Variants in HPSE2 observed in about 807,000 individuals in gnomAD.
HPSE2 encodes heparanase 2 (inactive), also known as inactive heparanase-2.
HPSE2 carries 38 observed loss-of-function variants against 60.5 expected under a neutral mutation model. That is an observed-to-expected ratio of 0.63 (90% CI 0.48 to 0.82). The LOEUF (loss-of-function observed/expected upper bound fraction) is 0.82. HPSE2 is among the 40% of genes least tolerant of loss of function. The pLI is 0.00. For missense variants in HPSE2, 713 were observed against 740.4 expected (o/e 0.96, Z 0.43); for synonymous variants, 295 against 293.2 (o/e 1.01, Z -0.06).
chr10:98,950,336 T>C (rs1955318372), intron 3 of HPSE2, among the ~76,000 whole-genome samples: 1 of 152,122 alleles, frequency 6.6e-6, no homozygotes, highest in South Asian at 2.1e-4. Context: ...AAGGCATAAA[T>C]ACCCAGGAGT....
intron 3 of HPSE2, among the ~76,000 whole-genome samples, chr10:98,774,063 C>CA (rs1252225821): frequency 2.0e-5 from 3 of 151,296 alleles, no homozygotes; most frequent in South Asian, 4.2e-4. Flanking sequence ...CATCCTGTAG[C>CA]AAAAAAAGGA....
chr10:99,291,540 C>T, the HPSE2 span, among the ~76,000 whole-genome samples: 10 of 149,668 alleles, frequency 6.7e-5, no homozygotes, highest in African/African-American at 1.2e-4. Flanking sequence ...GCCGAGATCG[C>T]GCCACTGCAC....
intron 9 of HPSE2, among the ~76,000 whole-genome samples, chr10:98,588,410 T>C (rs1944996626): frequency 6.6e-6 from 1 of 151,986 alleles, no homozygotes; most frequent in African/African-American, 2.4e-5. Context: ...GCGGGGAGAC[T>C]TTACCAACCT....
chr10:98,799,527 A>T (rs1356550551), intron 3 of HPSE2, among the ~76,000 whole-genome samples: 2 of 152,236 alleles, frequency 1.3e-5, no homozygotes, highest in Non-Finnish European at 2.9e-5. Flanking sequence ...AGGATAGACT[A>T]TATGTTAGGT....
At chr10:98,495,390 T>C (rs1941799767) in intron 9 of HPSE2, among the ~76,000 whole-genome samples, 1 of 152,162 alleles carries the variant, frequency 6.6e-6, no homozygotes, top group Non-Finnish European at 1.5e-5. Context: ...TAGAATTCAT[T>C]GAGCTTCTTG....
intron 3 of HPSE2, among the ~76,000 whole-genome samples, chr10:98,932,180 G>T (rs1471312684): frequency 7.0e-6 from 1 of 143,840 alleles, no homozygotes; most frequent in Non-Finnish European, 1.5e-5. Flanking sequence ...TAACATGAAG[G>T]TATGTTGAAT....
intron 9 of HPSE2, among the ~76,000 whole-genome samples, chr10:98,603,992 C>T (rs1945506727): frequency 6.6e-6 from 1 of 152,118 alleles, no homozygotes; most frequent in Non-Finnish European, 1.5e-5. Context: ...AAGTCTGAGA[C>T]CTAATCATAG....
chr10:99,098,644 T>C (rs2135628428), intron 3 of HPSE2, among the ~76,000 whole-genome samples: 1 of 152,318 alleles, frequency 6.6e-6, no homozygotes, highest in East Asian at 1.9e-4. Flanking sequence ...ACGTTGGTTC[T>C]TAAAAATCTC....
chr10:98,744,124 A>G, intron 3 of HPSE2, 68 bp from the exon 4 acceptor site: 1 of 1,447,122 alleles, frequency 6.9e-7, no homozygotes, highest in Non-Finnish European at 9.6e-7. Context: ...AATAGTAGCT[A>G]ATATAAAAAG....
intron 4 of HPSE2, among the ~76,000 whole-genome samples, chr10:98,723,436 G>C (rs183182051): frequency 2.0e-5 from 3 of 152,092 alleles, no homozygotes; most frequent in Non-Finnish European, 4.4e-5. Flanking sequence ...TTTTTTTGTC[G>C]TGTCTCTGCC....
intron 2 of HPSE2, among the ~76,000 whole-genome samples, chr10:99,153,444 C>A (rs1846373760): frequency 6.6e-6 from 1 of 152,190 alleles, no homozygotes; most frequent in Admixed American, 6.5e-5. Context: ...GTCCCTGACC[C>A]CTGACCCCCG....
chr10:98,830,830 C>T (rs1286406045), intron 3 of HPSE2, among the ~76,000 whole-genome samples: 3 of 152,132 alleles, frequency 2.0e-5, no homozygotes, highest in African/African-American at 7.2e-5. Context: ...GAAAGGAAGG[C>T]CATGCATTTT....
At chr10:98,703,673 A>G (rs1256902771) in intron 5 of HPSE2, among the ~76,000 whole-genome samples, 2 of 152,192 alleles carry the variant, frequency 1.3e-5, no homozygotes, top group Non-Finnish European at 2.9e-5. Context: ...CAAAAATCAC[A>G]TGATAATCTC....
At chr10:98,821,627 C>T (rs185135909) in intron 3 of HPSE2, among the ~76,000 whole-genome samples, 74 of 151,710 alleles carry the variant, frequency 4.9e-4, no homozygotes, top group Non-Finnish European at 8.8e-4. Flanking sequence ...AAACTGCAAA[C>T]GTTTACACCA....
At chr10:98,820,386 T>C (rs1951397586) in intron 3 of HPSE2, among the ~76,000 whole-genome samples, 1 of 152,196 alleles carries the variant, frequency 6.6e-6, no homozygotes, top group Non-Finnish European at 1.5e-5. Context: ...GGACTTCTCT[T>C]GGATCCTGAC....
At chr10:99,252,022 A>G in the HPSE2 span, among the ~76,000 whole-genome samples, 2 of 152,124 alleles carry the variant, frequency 1.3e-5, no homozygotes, top group Admixed American at 6.6e-5. Context: ...AAACAGAGTG[A>G]GACTTTGTCT....
chr10:98,617,275 T>C (rs1039730648), intron 8 of HPSE2, among the ~76,000 whole-genome samples: 2 of 152,206 alleles, frequency 1.3e-5, no homozygotes, highest in Non-Finnish European at 2.9e-5. Context: ...TAGGCATTGT[T>C]TTCAGAATTG....
chr10:98,861,060 T>C (rs1261046174), intron 3 of HPSE2, among the ~76,000 whole-genome samples: 1 of 152,212 alleles, frequency 6.6e-6, no homozygotes, highest in Non-Finnish European at 1.5e-5. Flanking sequence ...CTCCTGATAT[T>C]AAACAAAACA....
At chr10:98,946,935 G>A (rs1459045894) in intron 3 of HPSE2, among the ~76,000 whole-genome samples, 3 of 151,948 alleles carry the variant, frequency 2.0e-5, no homozygotes, top group Non-Finnish European at 2.9e-5. Context: ...AGTAAAAAGT[G>A]AGCACTTGGA....
Sources: allele counts gnomAD v4.1 joint callset (sites outside exome capture counted in the v4.1 genomes callset), GRCh38; gene constraint gnomAD v4.1.1; transcripts MANE v1.5; gene names NCBI Gene and HGNC (gene_info 2026-07-23, HGNC 2026-07-21).